SETD2: variants seen among roughly 807,000 people sequenced by gnomAD.
SETD2 encodes SET domain containing 2, histone lysine methyltransferase, also known as histone-lysine N-methyltransferase SETD2.
A neutral mutation model predicts 242.1 loss-of-function variants in SETD2; 31 were observed. The observed-to-expected ratio is 0.13, with a 90% CI of 0.10 to 0.17. The LOEUF (loss-of-function observed/expected upper bound fraction) is 0.17, where lower values mean the gene tolerates loss of function less well. SETD2 is among the 10% of genes least tolerant of loss of function. The probability of loss-of-function intolerance (pLI) is 1.00; values close to 1 mark genes in which losing one functional copy is unlikely to be tolerated. For synonymous variants in SETD2, 1,006 were observed against 1,066.5 expected (o/e 0.94, Z 1.11); for missense variants, 2,481 against 3,046.3 (o/e 0.81, Z 4.37).
chr3:47,109,712 A>G (rs2042576265), intron 5 of SETD2, among the ~76,000 whole-genome samples: 1 of 152,090 alleles, frequency 6.6e-6, no homozygotes, highest in Non-Finnish European at 1.5e-5. Context: ...TCGGCCAGCC[A>G]CGGTGGCTTA....
chr3:47,144,453 A>G (rs2043807226), intron 1 of SETD2, among the ~76,000 whole-genome samples: 1 of 152,088 alleles, frequency 6.6e-6, no homozygotes, highest in African/African-American at 2.4e-5. Flanking sequence ...CCTGGCCAAC[A>G]TGGTGAAACC....
At chr3:47,053,333 T>C (rs2039929599) in intron 15 of SETD2, among the ~76,000 whole-genome samples, 2 of 152,228 alleles carry the variant, frequency 1.3e-5, no homozygotes, top group Admixed American at 1.3e-4. Flanking sequence ...CACTTTATAC[T>C]ATGTCAGTGC....
intron 9 of SETD2, among the ~76,000 whole-genome samples, chr3:47,090,633 G>A (rs1452053317): frequency 1.3e-5 from 2 of 152,006 alleles, no homozygotes; most frequent in African/African-American, 4.8e-5. Flanking sequence ...CTTGTGATCT[G>A]CCCGCCTCAG....
At chr3:47,127,322 C>T (rs1449325512) in intron 1 of SETD2, among the ~76,000 whole-genome samples, 1 of 149,816 alleles carries the variant, frequency 6.7e-6, no homozygotes, top group Non-Finnish European at 1.5e-5. Context: ...CACACCACTG[C>T]ACTCCAGCTG....
rs541837696 is a variant in SETD2, at chr3:47,089,597, C to CG, written c.5143-1351dup. On this transcript the variant is annotated intron_variant, in intron 9 of 20. Coordinates refer to ENST00000409792, the MANE Select transcript of SETD2 (RefSeq NM_014159.7). ...TATTTTAAATATTAAATGTAAATAA[C>CG]GGGGGGTGGGAATCAACCTACCAAA... is the stretch of plus-strand genomic sequence containing the variant. Among the ~76,000 whole-genome samples, 158 of 152,158 alleles carry CG rather than the reference C, an allele frequency of 1.0e-3. 2 individuals carry two copies. The highest frequency in any genetic ancestry group is 3.2e-3 in the African/African-American group (132 of 41,494).
At chr3:47,033,193 TC>T (rs1173861156) in intron 18 of SETD2, among the ~76,000 whole-genome samples, 1 of 152,212 alleles carries the variant, frequency 6.6e-6, no homozygotes, top group Non-Finnish European at 1.5e-5. Flanking sequence ...ACAGAGCTAT[TC>T]CCCAAACATA....
At chr3:47,045,870 G>A (rs2039502144) in intron 16 of SETD2, among the ~76,000 whole-genome samples, 1 of 147,936 alleles carries the variant, frequency 6.8e-6, no homozygotes. Flanking sequence ...CCGCCTCCCA[G>A]GTTCACGCCA....
intron 1 of SETD2, among the ~76,000 whole-genome samples, chr3:47,146,660 G>A (rs2106809791): frequency 1.3e-5 from 2 of 151,576 alleles, no homozygotes; most frequent in South Asian, 4.2e-4. Flanking sequence ...ATATAGGCCA[G>A]GCATGATGGC....
intron 1 of SETD2, among the ~76,000 whole-genome samples, chr3:47,162,338 A>G (rs1697513771): frequency 6.6e-6 from 1 of 152,152 alleles, no homozygotes; most frequent in Non-Finnish European, 1.5e-5. Flanking sequence ...TTGTAATTGG[A>G]CTGATGGTGC....
At chr3:47,126,756 C>G in intron 1 of SETD2, 93 bp from the exon 2 acceptor site, 1 of 731,666 alleles carries the variant, frequency 1.4e-6, no homozygotes, top group Non-Finnish European at 2.3e-6. Flanking sequence ...TGTATTAAAA[C>G]TTGGGATACT....
chr3:47,075,688 G>A (rs2107620787), intron 12 of SETD2, among the ~76,000 whole-genome samples: 1 of 151,928 alleles, frequency 6.6e-6, no homozygotes, highest in Non-Finnish European at 1.5e-5. Flanking sequence ...GTGAGTGGAA[G>A]AAGGCAGTAT....
intron 1 of SETD2, among the ~76,000 whole-genome samples, chr3:47,148,778 T>C (rs970917339): frequency 6.6e-6 from 1 of 152,160 alleles, no homozygotes; most frequent in Non-Finnish European, 1.5e-5. Flanking sequence ...AAAGTGGCCA[T>C]AGGCCAGGCA....
At chr3:47,037,517 T>C in intron 18 of SETD2, 149 bp downstream of exon 18, 3 of 595,376 alleles carry the variant, frequency 5.0e-6, no homozygotes, top group South Asian at 1.9e-5. Context: ...AAGGCCATTC[T>C]TTCTCCCTGA....
chr3:47,058,465 C>CAAAAAAACAAAAAAA (rs1448864045), intron 14 of SETD2, among the ~76,000 whole-genome samples: 1 of 76,156 alleles, frequency 1.3e-5, no homozygotes, highest in African/African-American at 5.7e-5. Flanking sequence ...AAAAAAAAAA[C>CAAAAAAACAAAAAAA]ACAAAGAGGG....
At chr3:47,048,232 A>G in intron 15 of SETD2, among the ~76,000 whole-genome samples, 1 of 152,170 alleles carries the variant, frequency 6.6e-6, no homozygotes, top group East Asian at 1.9e-4. Context: ...TACTAAAAAT[A>G]CAAAAAATTA....
chr3:47,080,727 G>C, intron 12 of SETD2: 1 of 889,680 alleles, frequency 1.1e-6, no homozygotes, highest in African/African-American at 1.8e-5. Context: ...GTCTACTTTA[G>C]GAGTCAAAAT....
intron 18 of SETD2, 92 bp from the exon 19 acceptor site, chr3:47,019,932 G>C: frequency 2.8e-6 from 3 of 1,058,212 alleles, no homozygotes; most frequent in Non-Finnish European, 4.4e-6. Flanking sequence ...CTTTCCCCTA[G>C]CAGGGATACC....
intron 18 of SETD2, 41 bp from the exon 19 acceptor site, chr3:47,019,881 A>G (rs754989533): frequency 1.8e-5 from 27 of 1,526,574 alleles, no homozygotes; most frequent in African/African-American, 1.6e-4. Flanking sequence ...TGGCATGAGA[A>G]GTCAGTTTAG....
At position 47,057,069 on chromosome 3, in the gene SETD2, G is replaced by T; in HGVS notation, c.6715C>A (p.Gln2239Lys). ...VAAPVEVSSSQYVAQSDGVVH... is the reference protein window; with the variant it reads ...VAAPVEVSSSKYVAQSDGVVH... ...ACACCATCACTCTGGGCCACATACT[G>T]GGAACTGGAAACTTCCACAGGAGCT... The change falls in exon 15 of 21, where the codon CAG becomes AAG. Residue 2239 changes from glutamine (Q) to lysine (K), a missense_variant. This residue lies in a region of SETD2 where 235 missense variants were observed against 293.9 expected (regional missense o/e 0.80). Coordinates refer to ENST00000409792, the MANE Select transcript of SETD2 (RefSeq NM_014159.7). 6.2e-7 allele frequency: 1 copy of T among 1,614,252 alleles called. No homozygotes were observed. Among genetic ancestry groups the T allele is most frequent in the Non-Finnish European group, 8.5e-7 (1 of 1,180,052 alleles).
Sources: gnomAD v4.1 joint callset for allele counts (sites outside exome capture counted in the v4.1 genomes callset) on GRCh38, gnomAD v4.1.1 for gene constraint, gnomAD v4.1.1 regional missense constraint, MANE v1.5 for transcripts, NCBI Gene and HGNC (gene_info 2026-07-23, HGNC 2026-07-21) for gene names.